DLGAP1: variants seen among roughly 807,000 people sequenced by gnomAD.
DLGAP1 encodes the protein DLG associated protein 1.
In DLGAP1, 11 loss-of-function variants were observed where a neutral mutation model predicts 90.8. The ratio of observed to expected loss-of-function variants is 0.12; its 90% confidence interval spans 0.08 to 0.20. The LOEUF (loss-of-function observed/expected upper bound fraction) is 0.20. Among genes scored for constraint, DLGAP1 ranks in the 10% least tolerant of loss-of-function variants. DLGAP1 has a pLI of 1.00. For missense variants in DLGAP1, 1,050 were observed against 1,333.8 expected (o/e 0.79, Z 3.31); for synonymous variants, 558 against 540.7 (o/e 1.03, Z -0.44).
intron 4 of DLGAP1, chr18:3,821,991 C>T (rs944760613): frequency 4.1e-6 from 4 of 983,900 alleles, no homozygotes; most frequent in Non-Finnish European, 4.8e-6. Flanking sequence ...GTCCCTTTAG[C>T]CTTTTTAGCT....
chr18:3,573,433 T>A (rs2054924472), intron 8 of DLGAP1, among the ~76,000 whole-genome samples: 1 of 152,030 alleles, frequency 6.6e-6, no homozygotes, highest in East Asian at 1.9e-4. Flanking sequence ...ACCCAGGAGA[T>A]GGAAGTTACA....
intron 2 of DLGAP1, among the ~76,000 whole-genome samples, chr18:4,008,429 C>A (rs1337320362): frequency 6.6e-6 from 1 of 152,104 alleles, no homozygotes; most frequent in African/African-American, 2.4e-5. Context: ...TAGTTATTAT[C>A]TTTGAATCCA....
intron 2 of DLGAP1, among the ~76,000 whole-genome samples, chr18:4,047,892 T>C (rs9953721): frequency 1 from 152,205 of 152,338 alleles, 76,036 homozygotes; most frequent in Non-Finnish European, 1. Context: ...TCTTCCCAGG[T>C]TCCAGTGATC....
chr18:3,517,586 G>C lies in DLGAP1; in HGVS notation c.2480-8925C>G, dbSNP rs2050917499. Among the ~76,000 whole-genome samples the C allele has an allele frequency of 6.6e-6, 1 of 152,290 alleles. No homozygotes were observed. The highest frequency in any genetic ancestry group is 6.5e-5 in the Admixed American group (1 of 15,298). On this transcript the variant is annotated intron_variant, in intron 10 of 12. Coordinates refer to ENST00000315677, the MANE Select transcript of DLGAP1 (RefSeq NM_004746.4). This position sits in a 1 kb window ranked among gnomAD's most constrained non-coding sequence, Gnocchi z 4.1. ...TAATCCCAGCACTTTGGGAGGCTGAGGCGGGTGGGTTACCTGAGGTCAGGA... is the reference window on the plus strand; with the variant it reads ...TAATCCCAGCACTTTGGGAGGCTGACGCGGGTGGGTTACCTGAGGTCAGGA...
intron 3 of DLGAP1, among the ~76,000 whole-genome samples, chr18:3,969,201 A>G (rs1212480160): frequency 1.3e-5 from 2 of 152,236 alleles, no homozygotes; most frequent in East Asian, 3.8e-4. Context: ...GCGAACTTCC[A>G]TCTGCCAAAT....
At chr18:3,629,453 C>T (rs1158641675) in intron 7 of DLGAP1, among the ~76,000 whole-genome samples, 2 of 151,910 alleles carry the variant, frequency 1.3e-5, no homozygotes, top group Non-Finnish European at 2.9e-5. Context: ...GGGCGGATCA[C>T]GAGGTCAGGA....
intron 6 of DLGAP1, among the ~76,000 whole-genome samples, chr18:3,732,317 T>C (rs953592556): frequency 6.6e-6 from 1 of 152,248 alleles, no homozygotes; most frequent in Non-Finnish European, 1.5e-5. Flanking sequence ...TTTGTCTCTC[T>C]TCTATGTTGT....
At chr18:4,162,432 T>A (rs2076862587) in intron 1 of DLGAP1, among the ~76,000 whole-genome samples, 2 of 152,178 alleles carry the variant, frequency 1.3e-5, no homozygotes, top group African/African-American at 4.8e-5. Flanking sequence ...CAATTAAAAT[T>A]TTTAAAGAAA....
intron 3 of DLGAP1, among the ~76,000 whole-genome samples, chr18:3,940,445 AC>A (rs2072743462): frequency 6.6e-6 from 1 of 152,198 alleles, no homozygotes; most frequent in Admixed American, 6.5e-5. Context: ...GATTAAATGG[AC>A]CCTATTTAAG....
At chr18:4,152,476 C>T (rs2076691190) in intron 1 of DLGAP1, among the ~76,000 whole-genome samples, 2 of 152,290 alleles carry the variant, frequency 1.3e-5, no homozygotes, top group Middle Eastern at 6.8e-3. Flanking sequence ...GGCAGAATTA[C>T]GTCCCAGATG....
At chr18:3,707,565 A>C (rs547996810) in intron 7 of DLGAP1, among the ~76,000 whole-genome samples, 1 of 151,260 alleles carries the variant, frequency 6.6e-6, no homozygotes, top group Non-Finnish European at 1.5e-5. Flanking sequence ...ACGCCACTGC[A>C]CTCCAGCCTG....
chr18:4,141,821 A>G (rs2076499948), intron 2 of DLGAP1, among the ~76,000 whole-genome samples: 1 of 151,812 alleles, frequency 6.6e-6, no homozygotes. Context: ...ATTCTCTTTT[A>G]ATGATTTCAG....
chr18:3,750,723 C>A (rs895402881), intron 5 of DLGAP1, among the ~76,000 whole-genome samples: 3 of 152,206 alleles, frequency 2.0e-5, no homozygotes, highest in Non-Finnish European at 4.4e-5. Flanking sequence ...ACTCTAAACT[C>A]TTTACCTGAT....
At chr18:3,605,290 C>A (rs147196830) in intron 7 of DLGAP1, among the ~76,000 whole-genome samples, 1 of 152,212 alleles carries the variant, frequency 6.6e-6, no homozygotes, top group African/African-American at 2.4e-5. Flanking sequence ...TCCAAGAAGA[C>A]GTCAGGAATG....
intron 4 of DLGAP1, among the ~76,000 whole-genome samples, chr18:3,865,808 G>A (rs1278716574): frequency 2.6e-5 from 4 of 152,136 alleles, no homozygotes; most frequent in Non-Finnish European, 4.4e-5. Flanking sequence ...TAAAGACAAT[G>A]TAAGAAGAAC....
intron 7 of DLGAP1, among the ~76,000 whole-genome samples, chr18:3,675,326 C>T (rs1053678911): frequency 3.9e-5 from 6 of 152,182 alleles, no homozygotes; most frequent in Non-Finnish European, 7.3e-5. Context: ...CCGCCGGCCT[C>T]AGCCTCCCAA....
At chr18:3,935,578 G>A (rs1051589250) in intron 3 of DLGAP1, among the ~76,000 whole-genome samples, 4 of 152,224 alleles carry the variant, frequency 2.6e-5, no homozygotes, top group African/African-American at 9.6e-5. Flanking sequence ...TGATCACCAA[G>A]AAGACATGTG....
At chr18:3,623,596 T>G (rs1335197522) in intron 7 of DLGAP1, among the ~76,000 whole-genome samples, 34 of 152,038 alleles carry the variant, frequency 2.2e-4, no homozygotes, top group Admixed American at 2.2e-3. Flanking sequence ...GAGACCAGCC[T>G]GGCCAATGTG....
chr18:4,346,652 T>C lies in DLGAP1; in HGVS notation c.-267+108354A>G, dbSNP rs549551978. 1.1e-4 allele frequency among the ~76,000 whole-genome samples: 16 copies of C among 152,350 alleles called. No individual in the cohort carries two copies. In the South Asian group the frequency reaches 3.3e-3, roughly 32 times the overall value. On this transcript the variant is annotated intron_variant, in intron 1 of 12. Coordinates refer to ENST00000315677, the MANE Select transcript of DLGAP1 (RefSeq NM_004746.4). ...GAACTTAAGACACATCTGTCTGATC[T>C]TCTGGCCTTTTTCACATTTGAGGAG... is the stretch of plus-strand genomic sequence containing the variant.
Sources: gnomAD v4.1 joint callset for allele counts (sites outside exome capture counted in the v4.1 genomes callset) on GRCh38, gnomAD v4.1.1 for gene constraint, Gnocchi (gnomAD v3.1) non-coding constraint, MANE v1.5 for transcripts, NCBI Gene and HGNC (gene_info 2026-07-23, HGNC 2026-07-21) for gene names.